The following SGPP2 variants were observed in gnomAD, a reference collection of about 807,000 sequenced individuals.
The protein encoded by SGPP2 is sphingosine-1-phosphate phosphatase 2.
SGPP2 carries 30 observed loss-of-function variants against 33.9 expected under a neutral mutation model. The ratio of observed to expected loss-of-function variants is 0.89; its 90% CI spans 0.66 to 1.20. SGPP2 has a LOEUF of 1.20. SGPP2 is among the 50% of genes most tolerant of loss of function. The probability of loss-of-function intolerance (pLI) is 0.00; values close to 1 mark genes in which losing one functional copy is unlikely to be tolerated. For synonymous variants in SGPP2, 233 were observed against 225.0 expected, an observed-to-expected ratio of 1.04 and a Z score of -0.32; for missense variants, 458 against 532.1, an observed-to-expected ratio of 0.86 and a Z score of 1.37.
chr2:222,485,006 C>T (rs139309125), intron 2 of SGPP2, among the ~76,000 whole-genome samples: 1,547 of 152,254 alleles, frequency 0.01, 15 homozygotes, highest in Non-Finnish European at 0.018. Flanking sequence ...GCTACATGTA[C>T]AAGTACTTTA....
intron 2 of SGPP2, among the ~76,000 whole-genome samples, chr2:222,515,373 G>A (rs1411329261): frequency 6.6e-6 from 1 of 152,120 alleles, no homozygotes; most frequent in African/African-American, 2.4e-5. Context: ...CTGTCACCCA[G>A]GCTGGAGCGC....
chr2:222,450,629 T>G (rs576968014), intron 1 of SGPP2, among the ~76,000 whole-genome samples: 1 of 152,272 alleles, frequency 6.6e-6, no homozygotes, highest in African/African-American at 2.4e-5. Flanking sequence ...TGATGGTGCA[T>G]TCTGTTAAAC....
At chr2:222,505,163 C>T (rs1698426522) in intron 2 of SGPP2, among the ~76,000 whole-genome samples, 1 of 152,196 alleles carries the variant, frequency 6.6e-6, no homozygotes, top group Non-Finnish European at 1.5e-5. Flanking sequence ...CTTACAGGCA[C>T]CCACACATGC....
Position 222,559,927 on chromosome 2 carries a change from T to C in SGPP2, c.*1029T>C, listed in dbSNP as rs1171017334. On this transcript the variant is annotated 3_prime_UTR_variant, in exon 5 of 5. Coordinates refer to ENST00000321276, the MANE Select transcript of SGPP2 (RefSeq NM_152386.4). ...TGTTGGAATAAGGATCTGCTCTTCCTTGTTTCCATGCATTTTGCAGGATTC... is the reference window on the plus strand; with the variant it reads ...TGTTGGAATAAGGATCTGCTCTTCCCTGTTTCCATGCATTTTGCAGGATTC... 1 of 152,290 alleles carries C rather than the reference T, an allele frequency of 6.6e-6. No homozygotes were observed. Among genetic ancestry groups the C allele is most frequent in the Non-Finnish European group, 1.5e-5 (1 of 68,084 alleles). The allele number at this position is 152,290 out of a possible 1,614,324, so 9.4% of individuals were successfully genotyped here.
intron 1 of SGPP2, among the ~76,000 whole-genome samples, chr2:222,441,424 A>G (rs1697323254): frequency 6.6e-6 from 1 of 152,276 alleles, no homozygotes; most frequent in Admixed American, 6.5e-5. Flanking sequence ...TTAAAATTCC[A>G]TATACATCTA....
chr2:222,486,605 C>T (rs1286965885), intron 2 of SGPP2, among the ~76,000 whole-genome samples: 1 of 152,196 alleles, frequency 6.6e-6, no homozygotes, highest in East Asian at 1.9e-4. Context: ...CAGGTCCTGA[C>T]TACATGCTAG....
chr2:222,517,877 C>T (rs903791876), intron 2 of SGPP2, among the ~76,000 whole-genome samples: 4 of 152,248 alleles, frequency 2.6e-5, no homozygotes, highest in Non-Finnish European at 5.9e-5. Flanking sequence ...TCACTTTAAC[C>T]AGCCCCAGGT....
At position 222,541,064 on chromosome 2, in the gene SGPP2, G is replaced by A. The variant is rs151311862; in HGVS notation, c.648+16031G>A. Among the ~76,000 whole-genome samples the A allele has an allele frequency of 3.0e-3, 463 of 152,086 alleles. 2 individuals carry two copies. The highest frequency in any genetic ancestry group is 0.011 in the African/African-American group (438 of 41,478). ...GAACTCCTGACCTCGTGATCCACCC[G>A]CCTCAGCCTTCCAAAGTGCTGGGAT... On this transcript the variant is annotated intron_variant, in intron 4 of 4. Coordinates refer to ENST00000321276, the MANE Select transcript of SGPP2 (RefSeq NM_152386.4).
intron 4 of SGPP2, among the ~76,000 whole-genome samples, chr2:222,553,592 T>G (rs1234758787): frequency 2.0e-5 from 3 of 152,160 alleles, no homozygotes; most frequent in Non-Finnish European, 4.4e-5. Context: ...CCTAGGAGAT[T>G]CCAATGCACA....
Position 222,491,462 on chromosome 2 carries a change from A to T in SGPP2, c.378+16736A>T, listed in dbSNP as rs116159374. ...TCATGGAGGAAGGGGAAGCAGGCAC[A>T]TCTTACATGGCAGCAGGCAAGAGAG... On this transcript the variant is annotated intron_variant, in intron 2 of 4. Coordinates refer to ENST00000321276, the MANE Select transcript of SGPP2 (RefSeq NM_152386.4). 8.2e-3 allele frequency among the ~76,000 whole-genome samples: 1,248 copies of T among 152,312 alleles called. 16 individuals carry two copies. The highest frequency in any genetic ancestry group is 0.029 in the African/African-American group (1,187 of 41,568).
intron 4 of SGPP2, among the ~76,000 whole-genome samples, chr2:222,548,718 G>C (rs907421873): frequency 6.6e-6 from 1 of 152,100 alleles, no homozygotes; most frequent in Non-Finnish European, 1.5e-5. Flanking sequence ...TAATATTTTT[G>C]AACTTATGCA....
rs1689510936 is a variant in SGPP2, at chr2:222,560,233, T to G, written c.*1335T>G. ...TTTCTGGAGTCTGACAAAGAAGGGA[T>G]AGGCTTCCTTGACATTGCCTGTCCT... On this transcript the variant is annotated 3_prime_UTR_variant, in exon 5 of 5. Coordinates refer to ENST00000321276, the MANE Select transcript of SGPP2 (RefSeq NM_152386.4). The G allele has an allele frequency of 6.6e-6, 1 of 152,080 alleles. No individual in the cohort carries two copies. The highest frequency in any genetic ancestry group is 6.6e-5 in the Admixed American group (1 of 15,260). 9.4% of individuals were successfully genotyped at this position (152,080 alleles called of 1,614,324 possible).
intron 2 of SGPP2, chr2:222,503,784 T>TG (rs1224628734): frequency 1.3e-5 from 2 of 152,100 alleles, no homozygotes; most frequent in Non-Finnish European, 2.9e-5. Flanking sequence ...CTCAATGTGT[T>TG]GGGGTGGAAT....
At chr2:222,480,230 C>T (rs1663100189) in intron 2 of SGPP2, among the ~76,000 whole-genome samples, 1 of 152,174 alleles carries the variant, frequency 6.6e-6, no homozygotes, top group Non-Finnish European at 1.5e-5. Context: ...AGTTTTGTAA[C>T]ATGAGGCAAA....
chr2:222,472,024 G>C (rs1428253193), intron 1 of SGPP2, among the ~76,000 whole-genome samples: 1 of 152,084 alleles, frequency 6.6e-6, no homozygotes, highest in Non-Finnish European at 1.5e-5. Context: ...GGAAGAAAAG[G>C]ATGATAAAAA....
intron 1 of SGPP2, among the ~76,000 whole-genome samples, chr2:222,445,134 G>A (rs1410991704): frequency 6.6e-6 from 1 of 152,202 alleles, no homozygotes; most frequent in Non-Finnish European, 1.5e-5. Flanking sequence ...GTAAGGTGAA[G>A]ATAGTAACTA....
At chr2:222,510,397 T>C (rs1326308790) in intron 2 of SGPP2, among the ~76,000 whole-genome samples, 4 of 152,232 alleles carry the variant, frequency 2.6e-5, no homozygotes, top group Admixed American at 6.5e-5. Flanking sequence ...AGCTCATTGT[T>C]CTCTTGCCTC....
At chr2:222,557,668 G>A (rs1223996291) in intron 4 of SGPP2, among the ~76,000 whole-genome samples, 2 of 152,178 alleles carry the variant, frequency 1.3e-5, no homozygotes, top group East Asian at 3.8e-4. Context: ...TTTAAGCAGG[G>A]AAGGAAGGAG....
rs1698929571 is a variant in SGPP2 at position 222,537,271 on chromosome 2, T to C, written c.648+12238T>C. ...TCCACAAAAGAAAAGATTAGAAGAGTTGACTACATACATTTTTAAAGAAAT... is the reference window on the plus strand; with the variant it reads ...TCCACAAAAGAAAAGATTAGAAGAGCTGACTACATACATTTTTAAAGAAAT... On this transcript the variant is annotated intron_variant, in intron 4 of 4. Coordinates refer to ENST00000321276, the MANE Select transcript of SGPP2 (RefSeq NM_152386.4). Among the ~76,000 whole-genome samples the C allele has an allele frequency of 2.6e-5, 4 of 151,902 alleles. No homozygotes were observed. In the South Asian group the frequency reaches 8.3e-4, roughly 32 times the overall value.
Sources: allele counts gnomAD v4.1 joint callset (sites outside exome capture counted in the v4.1 genomes callset), GRCh38; gene constraint gnomAD v4.1.1; transcripts MANE v1.5; gene names NCBI Gene and HGNC (gene_info 2026-07-23, HGNC 2026-07-21).